The following NEFH variants were observed in gnomAD, a reference collection of about 807,000 sequenced individuals.
NEFH encodes the protein neurofilament heavy chain.
In NEFH, 58 loss-of-function variants were observed where a neutral mutation model predicts 56.6. The observed-to-expected ratio is 1.03, with a 90% CI of 0.83 to 1.28. The LOEUF (loss-of-function observed/expected upper bound fraction) is 1.28. Among genes scored for constraint, NEFH ranks in the 50% most tolerant of loss-of-function variants. The pLI is 0.00. For synonymous variants in NEFH, 542 were observed against 545.8 expected (o/e 0.99, Z 0.10); for missense variants, 1,221 against 1,307.6 (o/e 0.93, Z 1.02).
Position 29,490,346 on chromosome 22 carries a change from A to G in NEFH, c.2706A>G (p.Lys902=). 1 of 1,613,314 alleles carries G rather than the reference A, an allele frequency of 6.2e-7. No individual in the cohort carries two copies. Among genetic ancestry groups the G allele is most frequent in the Non-Finnish European group, 8.5e-7 (1 of 1,179,712 alleles). ...AGGAAGAGGCTGAAGATAAGAAAAA[A>G]GTCCCCACCCCAGAGAAGGAGGCTC... The part of the protein sequence containing the change: ...AKKEEAEDKK[K]VPTPEKEAPA... Residue 902 remains lysine (K), a synonymous_variant, in exon 4 of 4, where the codon AAA becomes AAG. Transcript: ENST00000310624.
Position 29,480,817 on chromosome 22 carries a change from A to C in NEFH, c.555A>C (p.Leu185=), listed in dbSNP as rs7289196. 16,007 of 1,398,798 alleles carry C rather than the reference A, an allele frequency of 0.011. 1,590 individuals are homozygous for C. The African/African-American group carries it at 0.22, about 19-fold the overall frequency. 86.6% of individuals were successfully genotyped at this position (1,398,798 alleles called of 1,614,324 possible). The change falls in exon 1 of 4, where the codon CTA becomes CTC. Residue 185 remains leucine (L), a synonymous_variant. Transcript: ENST00000310624. ...ACATCGCGCACGTGCGCCAGCGCCT[A>C]GACGACGAGGCCCGGCAGCGAGAGG... The part of the protein sequence containing the change: ...LEDIAHVRQR[L]DDEARQREEA...
Position 29,491,055 on chromosome 22 carries a change from C to T in NEFH, c.*352C>T, listed in dbSNP as rs535694470. 7.6e-5 allele frequency: 30 copies of T among 392,860 alleles called. No homozygotes were observed. The highest frequency in any genetic ancestry group is 8.4e-4 in the Middle Eastern group (1 of 1,184). The allele number at this position is 392,860 out of a possible 1,614,324, so 24.3% of individuals were successfully genotyped here. ...CCTCTATGTGCAACTGACAGATGACCGCAATAATGAATGAGCAGTTAGAAA... is the reference window on the plus strand; with the variant it reads ...CCTCTATGTGCAACTGACAGATGACTGCAATAATGAATGAGCAGTTAGAAA... On this transcript the variant is annotated 3_prime_UTR_variant, in exon 4 of 4. Transcript: ENST00000310624.
intron 3 of NEFH, among the ~76,000 whole-genome samples, chr22:29,486,955 C>T (rs910573518): frequency 1.5e-4 from 23 of 152,180 alleles, no homozygotes; most frequent in Non-Finnish European, 1.5e-5. Flanking sequence ...AGGGACCTTT[C>T]AAACTCTGTC....
intron 1 of NEFH, 51 bp from the exon 2 acceptor site, chr22:29,483,324 G>T: frequency 2.1e-5 from 31 of 1,457,434 alleles, no homozygotes; most frequent in Non-Finnish European, 2.8e-5. Flanking sequence ...CTGGGCATTA[G>T]AACCCAGTCC....
At chr22:29,481,749 G>C (rs4994647) in intron 1 of NEFH, among the ~76,000 whole-genome samples, 1 of 152,174 alleles carries the variant, frequency 6.6e-6, no homozygotes, top group Non-Finnish European at 1.5e-5. Context: ...TGTGGCGGAG[G>C]TGGCTGGTGG....
intron 2 of NEFH, among the ~76,000 whole-genome samples, chr22:29,484,187 G>A (rs747898644): frequency 2.0e-5 from 3 of 152,128 alleles, no homozygotes; most frequent in African/African-American, 7.2e-5. Flanking sequence ...GTGTGAACTT[G>A]TGAATGAGCT....
At chr22:29,485,398 C>T (rs769532074) in intron 2 of NEFH, among the ~76,000 whole-genome samples, 2 of 152,198 alleles carry the variant, frequency 1.3e-5, no homozygotes, top group East Asian at 1.9e-4. Flanking sequence ...CCACCACTCC[C>T]GGCCTCACTG....
chr22:29,482,250 A>G (rs1331276761), intron 1 of NEFH, among the ~76,000 whole-genome samples: 1 of 151,858 alleles, frequency 6.6e-6, no homozygotes, highest in Non-Finnish European at 1.5e-5. Context: ...CCCTGCGCAA[A>G]CCTCTTTTGG....
Position 29,480,346 on chromosome 22 carries a change from A to T in NEFH, c.84A>T (p.Leu28=). ...LHGGGSLHYA[L]ARKGGAGGTR... ...GCGGCGGCAGCCTCCACTACGCGCT[A>T]GCCCGAAAGGGTGGCGCAGGCGGGA... The change falls in exon 1 of 4, where the codon CTA becomes CTT. Residue 28 remains leucine, a synonymous_variant. Transcript: ENST00000310624. 6.5e-7 allele frequency: 1 copy of T among 1,531,278 alleles called. No individual in the cohort carries two copies. Among genetic ancestry groups the T allele is most frequent in the Non-Finnish European group, 8.7e-7 (1 of 1,147,084 alleles). 94.9% of individuals were successfully genotyped at this position (1,531,278 alleles called of 1,614,324 possible). A position where few individuals can be genotyped will look rare whatever the true frequency, so the allele number is the denominator to read the frequency against.
Position 29,490,381 on chromosome 22 carries a change from T to A in NEFH, c.2741T>A (p.Val914Glu). ...CCAGAGAAGGAGGCTCCTGCCAAGG[T>A]GGAGGTGAAGGAAGACGCTAAACCC... Reference protein sequence around the residue: ...PTPEKEAPAKVEVKEDAKPKE... With the variant: ...PTPEKEAPAKEEVKEDAKPKE... Residue 914 changes from valine (V) to glutamate (E), a missense_variant, in exon 4 of 4, where the codon GTG becomes GAG. Around this residue, in one of 4 missense-constraint regions of NEFH, gnomAD observed 301 missense variants for 346.6 expected, o/e 0.87. Coordinates refer to ENST00000310624, the MANE Select transcript of NEFH (RefSeq NM_021076.4). The A allele has an allele frequency of 1.2e-6, 2 of 1,610,390 alleles. No homozygotes were observed. Among genetic ancestry groups the A allele is most frequent in the Non-Finnish European group, 1.7e-6 (2 of 1,178,872 alleles).
chr22:29,482,201 C>T (rs2063015355), intron 1 of NEFH, among the ~76,000 whole-genome samples: 1 of 152,190 alleles, frequency 6.6e-6, no homozygotes, highest in Non-Finnish European at 1.5e-5. Flanking sequence ...CTCTGCAGAG[C>T]AGAACCATCC....
rs953547899 is a variant in NEFH at position 29,480,418 on chromosome 22, G to A, written c.156G>A (p.Arg52=). Residue 52 remains arginine (R), a synonymous_variant, in exon 1 of 4, where the codon CGG becomes CGA. Transcript: ENST00000310624. ...GSSSGFHSWT[R]TSVSSVSASP... ...CCAGCGGCTTCCACTCGTGGACACG[G>A]ACGTCCGTGAGCTCCGTGTCCGCCT... is the stretch of plus-strand genomic sequence containing the variant. 3 of 1,533,034 alleles carry A rather than the reference G, an allele frequency of 2.0e-6. No individual in the cohort carries two copies. Among genetic ancestry groups the A allele is most frequent in the East Asian group, 2.4e-5 (1 of 40,998 alleles). 95.0% of individuals were successfully genotyped at this position (1,533,034 alleles called of 1,614,324 possible).
chr22:29,480,340 C>A lies in NEFH; in HGVS notation c.78C>A (p.Tyr26Ter), dbSNP rs1324125447. 2.6e-6 allele frequency: 4 copies of A among 1,521,700 alleles called. No homozygotes were observed. The highest frequency in any genetic ancestry group is 2.6e-6 in the Non-Finnish European group (3 of 1,143,596). 94.3% of individuals were successfully genotyped at this position (1,521,700 alleles called of 1,614,324 possible). A position where few individuals can be genotyped will look rare whatever the true frequency, so the allele number is the denominator to read the frequency against. Residue 26 changes from tyrosine (Y) to a stop codon, truncating the protein, a stop_gained, in exon 1 of 4, where the codon TAC (tyrosine) becomes TAA (stop). Coordinates refer to ENST00000310624, the MANE Select transcript of NEFH (RefSeq NM_021076.4). LOFTEE classifies it high-confidence loss of function. ...TGCATGGCGGCGGCAGCCTCCACTA[C>A]GCGCTAGCCCGAAAGGGTGGCGCAG... ...APLHGGGSLHYALARKGGAGG... is the reference protein window; with the variant it reads ...APLHGGGSLH
intron 2 of NEFH, among the ~76,000 whole-genome samples, chr22:29,484,274 A>C (rs1424800052): frequency 1.3e-5 from 2 of 152,238 alleles, no homozygotes; most frequent in Non-Finnish European, 2.9e-5. Flanking sequence ...TCTTGGTCGC[A>C]GTGGACATTC....
rs1350801323 is a variant in NEFH, at chr22:29,490,343, A to G, written c.2703A>G (p.Lys901=). 1 of 1,613,196 alleles carries G rather than the reference A, an allele frequency of 6.2e-7. No individual in the cohort carries two copies. The highest frequency in any genetic ancestry group is 8.5e-7 in the Non-Finnish European group (1 of 1,179,720). The change falls in exon 4 of 4, where the codon AAA becomes AAG. Residue 901 remains lysine (K), a synonymous_variant. Coordinates refer to ENST00000310624, the MANE Select transcript of NEFH (RefSeq NM_021076.4). ...EAKKEEAEDK[K]KVPTPEKEAP... ...AGAAGGAAGAGGCTGAAGATAAGAA[A>G]AAAGTCCCCACCCCAGAGAAGGAGG... is the stretch of plus-strand genomic sequence containing the variant.
intron 3 of NEFH, among the ~76,000 whole-genome samples, chr22:29,486,114 G>A (rs2063042831): frequency 6.6e-6 from 1 of 152,134 alleles, no homozygotes; most frequent in African/African-American, 2.4e-5. Flanking sequence ...TCCCTCCTGG[G>A]TTCAAGCGAT....
chr22:29,489,088 G>A lies in NEFH; in HGVS notation c.1448G>A (p.Gly483Asp). The A allele has an allele frequency of 6.2e-7, 1 of 1,605,260 alleles. No homozygotes were observed. The highest frequency in any genetic ancestry group is 1.1e-5 in the South Asian group (1 of 90,856). Residue 483 changes from glycine to aspartate, a missense_variant, in exon 4 of 4, where the codon GGC becomes GAC. By Grantham distance (94) the Gly-to-Asp change is moderately conservative (BLOSUM62 -1). Around this residue, in one of 4 missense-constraint regions of NEFH, gnomAD observed 243 missense variants for 299.1 expected, o/e 0.81. Transcript: ENST00000310624. ...GAGAAAGAGGCCAAAGAGGAGGAGG[G>A]CAAGGAGGAAGAAGGGGGTGAAGAA... ...EEEKEAKEEEGKEEEGGEEEE... is the reference protein window; with the variant it reads ...EEEKEAKEEEDKEEEGGEEEE...
At chr22:29,483,890 C>T (rs574614658) in intron 2 of NEFH, among the ~76,000 whole-genome samples, 3 of 150,058 alleles carry the variant, frequency 2.0e-5, no homozygotes, top group South Asian at 4.2e-4. Flanking sequence ...CACTCTGTTG[C>T]CCAGGCTGGA....
In NEFH at chr22:29,490,726, G is replaced by T; in HGVS notation, c.*23G>T. 6.2e-7 allele frequency: 1 copy of T among 1,613,736 alleles called. No homozygotes were observed. The highest frequency in any genetic ancestry group is 8.5e-7 in the Non-Finnish European group (1 of 1,179,958). ...TAAGGCAGGGAGAAAGGAACATCCG[G>T]AACAGCCAAAGAAACTCAGAAGAGT... On this transcript the variant is annotated 3_prime_UTR_variant, in exon 4 of 4. Coordinates refer to ENST00000310624, the MANE Select transcript of NEFH (RefSeq NM_021076.4).
Sources: gnomAD v4.1 joint callset for allele counts (sites outside exome capture counted in the v4.1 genomes callset) on GRCh38, gnomAD v4.1.1 for gene constraint, gnomAD v4.1.1 regional missense constraint, MANE v1.5 for transcripts, NCBI Gene and HGNC (gene_info 2026-07-23, HGNC 2026-07-21) for gene names.